Variants in PIBF1 observed in about 807,000 individuals in gnomAD.
PIBF1 encodes the protein progesterone-induced-blocking factor 1.
Under a neutral mutation model 112.5 loss-of-function variants are expected in PIBF1, and 90 were observed. The ratio of observed to expected loss-of-function variants is 0.80; its 90% confidence interval spans 0.67 to 0.95. The LOEUF (loss-of-function observed/expected upper bound fraction) is 0.95, where lower values mean the gene tolerates loss of function less well. Ranked by LOEUF, PIBF1 falls within the 40% of genes least tolerant of loss-of-function variation. The probability of loss-of-function intolerance (pLI) is 0.00; values close to 1 mark genes in which losing one functional copy is unlikely to be tolerated. For synonymous variants in PIBF1, 301 were observed against 288.6 expected (o/e 1.04, Z -0.44); for missense variants, 915 against 852.3 (o/e 1.07, Z -0.92).
In PIBF1 at chr13:72,949,301, T is replaced by C. The variant is rs1043046416; in HGVS notation, c.1834-15973T>C. 8.3e-4 allele frequency among the ~76,000 whole-genome samples: 20 copies of C among 24,050 alleles called. 1 individual carries two copies. In the South Asian group the frequency reaches 0.029, roughly 34 times the overall value. The allele number at this position is 24,050 out of a possible 152,430, so 15.8% of individuals were successfully genotyped here. A position where few individuals can be genotyped will look rare whatever the true frequency, so the allele number is the denominator to read the frequency against. On this transcript the variant is annotated intron_variant, in intron 14 of 17. Coordinates refer to ENST00000326291, the MANE Select transcript of PIBF1 (RefSeq NM_006346.4). ...ACTACTACCTAGACAAATAGCTGTC[T>C]TTTTTTTTTTTTTTTTTTTTTTTTT...
rs567944175 is a variant in PIBF1 at position 72,814,917 on chromosome 13, C to T, written c.673-6932C>T. ...AACTGTGCCAACAAAATATAGATTA[C>T]TAAAATTGACAGAAGTGAGAACTTG... On this transcript the variant is annotated intron_variant, in intron 5 of 17. Transcript: ENST00000326291. Among the ~76,000 whole-genome samples, 12 of 152,182 alleles carry T rather than the reference C, an allele frequency of 7.9e-5. No individual in the cohort carries two copies. The South Asian group carries it at 1.2e-3, about 16-fold the overall frequency.
intron 15 of PIBF1, among the ~76,000 whole-genome samples, chr13:72,972,202 A>AT (rs943724946): frequency 1.2e-4 from 17 of 146,336 alleles, no homozygotes; most frequent in South Asian, 1.1e-3. Flanking sequence ...CCTGGCTAAC[A>AT]TTTTTTTTTT....
At chr13:72,988,600 A>G (rs1037430988) in intron 16 of PIBF1, among the ~76,000 whole-genome samples, 1 of 152,254 alleles carries the variant, frequency 6.6e-6, no homozygotes, top group Non-Finnish European at 1.5e-5. Context: ...CTTGTTGAGC[A>G]TTTAGAGTGT....
At chr13:72,946,247 G>A (rs749502866) in intron 14 of PIBF1, among the ~76,000 whole-genome samples, 4 of 152,042 alleles carry the variant, frequency 2.6e-5, no homozygotes, top group Non-Finnish European at 4.4e-5. Flanking sequence ...CCAAGCAAAG[G>A]GGGAAAAGCC....
chr13:72,905,482 A>G (rs1359641809), intron 11 of PIBF1, among the ~76,000 whole-genome samples: 2 of 151,300 alleles, frequency 1.3e-5, no homozygotes, highest in Non-Finnish European at 3.0e-5. Flanking sequence ...CTCAGAAAAT[A>G]AAGCCTTAGT....
At chr13:72,860,456 T>A (rs1187229178) in intron 10 of PIBF1, among the ~76,000 whole-genome samples, 1 of 152,064 alleles carries the variant, frequency 6.6e-6, no homozygotes, top group Non-Finnish European at 1.5e-5. Flanking sequence ...GTATATATTT[T>A]GTATATAGTG....
At chr13:72,968,882 A>G (rs991618808) in intron 15 of PIBF1, among the ~76,000 whole-genome samples, 7 of 152,036 alleles carry the variant, frequency 4.6e-5, no homozygotes, top group South Asian at 2.1e-4. Context: ...TCTACAAAAA[A>G]TACAGAAAAA....
chr13:72,887,228 A>G (rs566154854), intron 10 of PIBF1, among the ~76,000 whole-genome samples: 1 of 152,088 alleles, frequency 6.6e-6, no homozygotes, highest in South Asian at 2.1e-4. Flanking sequence ...GTAGAACAAT[A>G]GGTAGCAGTA....
intron 10 of PIBF1, among the ~76,000 whole-genome samples, chr13:72,893,530 A>G (rs566408614): frequency 6.6e-6 from 1 of 152,140 alleles, no homozygotes; most frequent in Non-Finnish European, 1.5e-5. Flanking sequence ...TTACAAAATG[A>G]TAGGAAATAA....
intron 5 of PIBF1, among the ~76,000 whole-genome samples, chr13:72,815,689 A>G (rs1165337047): frequency 6.6e-6 from 1 of 152,078 alleles, no homozygotes; most frequent in East Asian, 1.9e-4. Flanking sequence ...ATTTCCAGAC[A>G]AGGTCTCAGT....
At chr13:72,960,644 A>G (rs1014687029) in intron 14 of PIBF1, among the ~76,000 whole-genome samples, 6 of 152,164 alleles carry the variant, frequency 3.9e-5, no homozygotes, top group Non-Finnish European at 8.8e-5. Flanking sequence ...TTCCCCACAC[A>G]CACACTTGAA....
Position 72,792,257 on chromosome 13 carries a change from C to T in PIBF1, c.253-190C>T, listed in dbSNP as rs528960869. Among the ~76,000 whole-genome samples the T allele has an allele frequency of 5.3e-5, 8 of 152,210 alleles. No individual in the cohort carries two copies. The East Asian group carries it at 1.6e-3, about 30-fold the overall frequency. ...GTGGCAGTGAGCCAAGGTTGCGCCA[C>T]TGCACTCTAGCCTGGGCAACAGCAC... On this transcript the variant is annotated intron_variant, in intron 2 of 17. Transcript: ENST00000326291.
intron 2 of PIBF1, among the ~76,000 whole-genome samples, chr13:72,791,108 G>A (rs2034903993): frequency 6.6e-6 from 1 of 152,064 alleles, no homozygotes. Context: ...AGGCTGGAGT[G>A]CAGTGGCATG....
intron 9 of PIBF1, 87 bp from the exon 10 acceptor site, chr13:72,853,970 C>G (rs1332193764): frequency 9.6e-7 from 1 of 1,042,034 alleles, no homozygotes; most frequent in Non-Finnish European, 1.5e-6. Flanking sequence ...CAGATGGGTC[C>G]TTAAGATTGT....
At chr13:72,895,467 G>GA (rs1437311502) in intron 11 of PIBF1, among the ~76,000 whole-genome samples, 12 of 150,338 alleles carry the variant, frequency 8.0e-5, no homozygotes, top group East Asian at 7.7e-4. Context: ...AAATAAGTGG[G>GA]AAAAAAAAGG....
In PIBF1 at chr13:73,012,402, G is replaced by A. The variant is rs117085175; in HGVS notation, c.2224-3467G>A. On this transcript the variant is annotated intron_variant, in intron 17 of 17. Coordinates refer to ENST00000326291, the MANE Select transcript of PIBF1 (RefSeq NM_006346.4). ...ATTTGATAACCTGATTAGTACAGTG[G>A]ACATTGCTGAAGAAAGAATCTCTAA... Among the ~76,000 whole-genome samples the A allele has an allele frequency of 8.5e-3, 1,296 of 151,992 alleles. 66 individuals are homozygous for A. Among genetic ancestry groups the A allele is most frequent in the East Asian group, 8.9e-3 (46 of 5,152 alleles).
chr13:72,828,267 C>CTT (rs780999187), intron 8 of PIBF1, among the ~76,000 whole-genome samples: 2,860 of 123,610 alleles, frequency 0.023, 110 homozygotes, highest in African/African-American at 0.084. Flanking sequence ...GATATGTTTG[C>CTT]TTTTTTTTTT....
At chr13:72,930,699 A>G (rs1402514676) in intron 13 of PIBF1, among the ~76,000 whole-genome samples, 2 of 152,136 alleles carry the variant, frequency 1.3e-5, no homozygotes, top group Non-Finnish European at 2.9e-5. Flanking sequence ...TAAAAACCTC[A>G]TTTTTGTTTT....
rs753390607 is a variant in PIBF1, at chr13:72,783,476, C to G, written c.7C>G (p.Arg3Gly). MS[R>G]KISKESKKVN... is the part of the protein sequence containing the mutation. The stretch of plus-strand genomic sequence containing the variant: ...CTGATCCATAATAATAAAAATGTCT[C>G]GAAAAATTTCAAAGGAGTCAAAAAA... Residue 3 changes from arginine to glycine, a missense_variant, in exon 2 of 18, where the codon CGA becomes GGA. Transcript: ENST00000326291. The G allele has an allele frequency of 6.3e-7, 1 of 1,587,714 alleles. No individual in the cohort carries two copies. The highest frequency in any genetic ancestry group is 8.6e-7 in the Non-Finnish European group (1 of 1,162,928).
Sources: gnomAD v4.1 joint callset for allele counts (sites outside exome capture counted in the v4.1 genomes callset) on GRCh38, gnomAD v4.1.1 for gene constraint, MANE v1.5 for transcripts, NCBI Gene and HGNC (gene_info 2026-07-23, HGNC 2026-07-21) for gene names.